NCAM1: variants seen among roughly 807,000 people sequenced by gnomAD.
The protein encoded by NCAM1 is antigen recognized by monoclonal antibody 5.1H11.
A neutral mutation model predicts 109.8 loss-of-function variants in NCAM1; 14 were observed. The observed-to-expected ratio is 0.13, with a 90% CI of 0.08 to 0.20. NCAM1 has a LOEUF of 0.20. Ranked by LOEUF, NCAM1 falls within the 10% of genes least tolerant of loss-of-function variation. NCAM1 has a pLI of 1.00. For missense variants in NCAM1, 774 were observed against 1,109.9 expected (o/e 0.70, Z 4.30); for synonymous variants, 418 against 442.9 (o/e 0.94, Z 0.70).
intron 1 of NCAM1, among the ~76,000 whole-genome samples, chr11:113,105,454 C>T (rs1381574288): frequency 2.0e-5 from 3 of 152,084 alleles, no homozygotes; most frequent in Admixed American, 6.6e-5. Context: ...CAAGCAAAAA[C>T]GTGTACACAA....
rs1945574766 is a variant in NCAM1, at chr11:113,248,784, G to A, written c.1828+2414G>A. Among the ~76,000 whole-genome samples the A allele has an allele frequency of 2.0e-5, 3 of 152,210 alleles. No individual in the cohort carries two copies. In the South Asian group the frequency reaches 6.2e-4, roughly 32 times the overall value. On this transcript the variant is annotated intron_variant, in intron 15 of 19. Coordinates refer to ENST00000316851, the MANE Select transcript of NCAM1 (RefSeq NM_181351.5). Reference sequence around the variant, plus strand: ...GAAGGAGAAGGGAGGTTATAACAGGGATTGAGCCCTATCCTTTATGGTTAC... The same window carrying A: ...GAAGGAGAAGGGAGGTTATAACAGGAATTGAGCCCTATCCTTTATGGTTAC...
intron 1 of NCAM1, among the ~76,000 whole-genome samples, chr11:113,077,485 A>G (rs1555086350): frequency 6.6e-6 from 1 of 152,166 alleles, no homozygotes; most frequent in African/African-American, 2.4e-5. Flanking sequence ...GCTACAGAGT[A>G]TCAGCCTGCT....
intron 9 of NCAM1, 23 bp downstream of exon 9, chr11:113,221,348 C>A (rs1311858261): frequency 1.9e-6 from 3 of 1,565,322 alleles, no homozygotes; most frequent in Non-Finnish European, 2.6e-6. Flanking sequence ...TGACCACTAG[C>A]CAGTCTTTAG....
chr11:113,156,552 A>G (rs1194457269), intron 1 of NCAM1, among the ~76,000 whole-genome samples: 1 of 152,174 alleles, frequency 6.6e-6, no homozygotes, highest in African/African-American at 2.4e-5. Context: ...GGCATGAGAA[A>G]GGCTCTCAGA....
At chr11:113,071,421 ATTT>A (rs66821824) in intron 1 of NCAM1, among the ~76,000 whole-genome samples, 1,551 of 127,624 alleles carry the variant, frequency 0.012, 14 homozygotes, top group African/African-American at 0.038. Flanking sequence ...TGTTGGTTGG[ATTT>A]TTTTTTTTTT....
intron 1 of NCAM1, among the ~76,000 whole-genome samples, chr11:112,970,564 T>G (rs1364800936): frequency 6.6e-6 from 1 of 152,184 alleles, no homozygotes; most frequent in African/African-American, 2.4e-5. Context: ...GCTCTGCTAC[T>G]AACTAGCCAA....
chr11:113,189,037 T>A (rs1273079877), intron 1 of NCAM1, among the ~76,000 whole-genome samples: 1 of 152,158 alleles, frequency 6.6e-6, no homozygotes, highest in Admixed American at 6.5e-5. Context: ...GTTTGTCCTC[T>A]CCGTAGGCTT....
At chr11:113,269,956 C>T (rs142461266) in intron 17 of NCAM1, 1 of 576,928 alleles carries the variant, frequency 1.7e-6, no homozygotes, top group Admixed American at 3.0e-5. Context: ...CAGGCTCACC[C>T]CTGTTCCCCA....
intron 1 of NCAM1, among the ~76,000 whole-genome samples, chr11:113,157,335 G>A (rs1474511850): frequency 2.6e-5 from 4 of 152,148 alleles, no homozygotes; most frequent in Admixed American, 2.6e-4. Flanking sequence ...ACACATCCAA[G>A]TTGAAAATGT....
rs73572711 is a variant in NCAM1 at position 113,241,814 on chromosome 11, G to A, written c.1826-4554G>A. The stretch of plus-strand genomic sequence containing the variant: ...CAGACAGCAGCAAATGGGCAGGCAG[G>A]GTGGTGCCGCCTGGCTGGCTTTATT... On this transcript the variant is annotated intron_variant, in intron 14 of 19. Coordinates refer to ENST00000316851, the MANE Select transcript of NCAM1 (RefSeq NM_181351.5). Among the ~76,000 whole-genome samples, 1,384 of 152,320 alleles carry A rather than the reference G, an allele frequency of 9.1e-3. 18 individuals carry two copies. The highest frequency in any genetic ancestry group is 0.031 in the African/African-American group (1,305 of 41,560).
At chr11:113,024,728 A>G (rs1555076877) in intron 1 of NCAM1, among the ~76,000 whole-genome samples, 4 of 152,208 alleles carry the variant, frequency 2.6e-5, no homozygotes, top group Admixed American at 2.6e-4. Context: ...AGCCAGGGGT[A>G]ATTTGCCACT....
intron 1 of NCAM1, among the ~76,000 whole-genome samples, chr11:113,083,094 A>T (rs1938913723): frequency 6.6e-6 from 1 of 151,610 alleles, no homozygotes; most frequent in Non-Finnish European, 1.5e-5. Flanking sequence ...TCCATAGGGC[A>T]AATTGTTAGA....
At chr11:113,088,169 ATAGACT>A (rs2135736618) in intron 1 of NCAM1, among the ~76,000 whole-genome samples, 1 of 152,368 alleles carries the variant, frequency 6.6e-6, no homozygotes, top group Non-Finnish European at 1.5e-5. Context: ...AAATGAATAA[ATAGACT>A]TAAAGAGAGA....
chr11:113,037,411 C>T (rs1040219260), intron 1 of NCAM1, among the ~76,000 whole-genome samples: 5 of 152,098 alleles, frequency 3.3e-5, no homozygotes, highest in African/African-American at 4.8e-5. Context: ...GCCATTGTCC[C>T]TCCTCTCGTC....
At position 113,050,458 on chromosome 11, in the gene NCAM1, TA is replaced by T. The variant is rs577141338; in HGVS notation, c.52+88796del. 2.8e-3 allele frequency among the ~76,000 whole-genome samples: 421 copies of T among 152,308 alleles called. 1 individual carries two copies. Among genetic ancestry groups the T allele is most frequent in the African/African-American group, 9.7e-3 (402 of 41,568 alleles). On this transcript the variant is annotated intron_variant, in intron 1 of 19. Transcript: ENST00000316851. Reference sequence around the variant, plus strand: ...TTCCCCTTATTTTCTTCAAAAAGTATAATGAACTTTGTGGAATATCAGTTGG... The same window carrying T: ...TTCCCCTTATTTTCTTCAAAAAGTATATGAACTTTGTGGAATATCAGTTGG...
chr11:113,194,722 G>C (rs1291477611), intron 1 of NCAM1, among the ~76,000 whole-genome samples: 1 of 152,156 alleles, frequency 6.6e-6, no homozygotes, highest in Non-Finnish European at 1.5e-5. Flanking sequence ...ATGCACTAAT[G>C]TTCCTAGCCA....
At chr11:113,036,756 C>T (rs1361173613) in intron 1 of NCAM1, among the ~76,000 whole-genome samples, 1 of 152,158 alleles carries the variant, frequency 6.6e-6, no homozygotes, top group Admixed American at 6.5e-5. Flanking sequence ...CTACCCCGCC[C>T]CACCTCAAAT....
chr11:113,042,528 C>G (rs1344630775), intron 1 of NCAM1, among the ~76,000 whole-genome samples: 3 of 152,214 alleles, frequency 2.0e-5, no homozygotes, highest in African/African-American at 7.2e-5. Context: ...TCCTTGTGAT[C>G]TTTCCTCCTG....
rs1555063393 is a variant in NCAM1, at chr11:112,962,119, C to G, written c.52+455C>G. Among the ~76,000 whole-genome samples the G allele has an allele frequency of 6.6e-6, 1 of 152,184 alleles. No homozygotes were observed. The highest frequency in any genetic ancestry group is 1.5e-5 in the Non-Finnish European group (1 of 68,024). On this transcript the variant is annotated intron_variant, in intron 1 of 19. Coordinates refer to ENST00000316851, the MANE Select transcript of NCAM1 (RefSeq NM_181351.5). The surrounding 1 kb of genome is among the most constrained non-coding windows in gnomAD (Gnocchi z 5.6). ...GCTCCGGGAAGAGTGAACAATAAGG[C>G]TAGGGCAGCCGCCCCAGATCGTTAT... is the stretch of plus-strand genomic sequence containing the variant.
Sources: allele counts gnomAD v4.1 joint callset (sites outside exome capture counted in the v4.1 genomes callset), GRCh38; gene constraint gnomAD v4.1.1; non-coding constraint Gnocchi (gnomAD v3.1); transcripts MANE v1.5; gene names NCBI Gene and HGNC (gene_info 2026-07-23, HGNC 2026-07-21).